The following MTA3 variants were observed in gnomAD, a reference collection of about 807,000 sequenced individuals.
The protein encoded by MTA3 is metastasis-associated protein MTA3.
A neutral mutation model predicts 83.5 loss-of-function variants in MTA3; 34 were observed. The observed-to-expected ratio is 0.41, with a 90% CI of 0.31 to 0.54. MTA3 has a LOEUF of 0.54. MTA3 is among the 20% of genes least tolerant of loss of function. The probability of loss-of-function intolerance (pLI) is 0.33; values close to 1 mark genes in which losing one functional copy is unlikely to be tolerated. For missense variants in MTA3, 761 were observed against 726.4 expected (o/e 1.05, Z -0.55); for synonymous variants, 303 against 252.7 (o/e 1.20, Z -1.89).
chr2:42,603,864 C>T (rs1036728286), intron 3 of MTA3, among the ~76,000 whole-genome samples: 1 of 152,088 alleles, frequency 6.6e-6, no homozygotes, highest in Admixed American at 6.6e-5. Context: ...CATTCTCCTG[C>T]CTCAGCCTCC....
rs113977755 is a variant in MTA3 at position 42,571,622 on chromosome 2, TAGA to T, written c.96+1121_96+1123del. ...AATTAATATTTTCCTCTTCCAGGTTTAGAAGGAGGAAGCTAGGGAACATAATAT... is the reference window on the plus strand; with the variant it reads ...AATTAATATTTTCCTCTTCCAGGTTTAGGAGGAAGCTAGGGAACATAATAT... On this transcript the variant is annotated intron_variant, in intron 2 of 16. Coordinates refer to ENST00000405094, the MANE Select transcript of MTA3 (RefSeq NM_001330442.2). Among the ~76,000 whole-genome samples the T allele has an allele frequency of 8.2e-3, 1,244 of 152,270 alleles. 22 individuals carry two copies. The highest frequency in any genetic ancestry group is 0.029 in the African/African-American group (1,189 of 41,558).
intron 15 of MTA3, 75 bp from the exon 16 acceptor site, chr2:42,722,814 C>A: frequency 6.7e-7 from 1 of 1,484,212 alleles, no homozygotes; most frequent in Non-Finnish European, 9.1e-7. Context: ...AAGATGTGTG[C>A]CTATTAGCCA....
At chr2:42,669,361 A>C (rs576421294) in intron 8 of MTA3, among the ~76,000 whole-genome samples, 2 of 152,322 alleles carry the variant, frequency 1.3e-5, no homozygotes, top group African/African-American at 4.8e-5. Context: ...CTGGGATTAC[A>C]AGCGTGAGCC....
At chr2:42,721,584 C>T (rs141968292) in intron 15 of MTA3, among the ~76,000 whole-genome samples, 1 of 152,146 alleles carries the variant, frequency 6.6e-6, no homozygotes, top group Admixed American at 6.5e-5. Flanking sequence ...CCACCTTGGC[C>T]TCCCAAAGTA....
At chr2:42,578,730 G>A (rs968925719) in intron 2 of MTA3, among the ~76,000 whole-genome samples, 3 of 152,106 alleles carry the variant, frequency 2.0e-5, no homozygotes, top group Admixed American at 6.6e-5. Context: ...CGTCAGTTGT[G>A]GCTTTAAAAA....
At chr2:42,549,106 G>A (rs1676946524) in intron 2 of MTA3, among the ~76,000 whole-genome samples, 1 of 137,908 alleles carries the variant, frequency 7.3e-6, no homozygotes, top group African/African-American at 2.7e-5. Flanking sequence ...CTGGGAGGCG[G>A]AGCTTGCAGT....
Position 42,662,518 on chromosome 2 carries a change from A to G in MTA3, c.702+2656A>G, listed in dbSNP as rs1043225638. Reference sequence around the variant, plus strand: ...TTGAATTTGTTTCTTCATGATTTGTAATGCCCCTTTATCATATTTTAGGTT... The same window carrying G: ...TTGAATTTGTTTCTTCATGATTTGTGATGCCCCTTTATCATATTTTAGGTT... On this transcript the variant is annotated intron_variant, in intron 8 of 16. Coordinates refer to ENST00000405094, the MANE Select transcript of MTA3 (RefSeq NM_001330442.2). Among the ~76,000 whole-genome samples the G allele has an allele frequency of 5.3e-5, 8 of 151,808 alleles. No homozygotes were observed. The South Asian group carries it at 1.5e-3, about 28-fold the overall frequency.
chr2:42,732,879 A>T (rs1286552468), intron 16 of MTA3, among the ~76,000 whole-genome samples: 2 of 152,056 alleles, frequency 1.3e-5, no homozygotes, highest in Non-Finnish European at 2.9e-5. Flanking sequence ...AACAAGAGTC[A>T]CCTTTGCTCC....
intron 6 of MTA3, among the ~76,000 whole-genome samples, chr2:42,650,449 G>T (rs960660746): frequency 4.6e-4 from 69 of 151,130 alleles, no homozygotes; most frequent in Non-Finnish European, 8.9e-4. Flanking sequence ...TGTTTTTTTG[G>T]TTTTTTTTGA....
intron 4 of MTA3, among the ~76,000 whole-genome samples, chr2:42,612,977 T>TTTTTTAATTAAA: frequency 6.6e-6 from 1 of 152,250 alleles, no homozygotes; most frequent in Non-Finnish European, 1.5e-5. Flanking sequence ...GACACAAGTA[T>TTTTTTAATTAAA]ATTTTTAATT....
At chr2:42,640,463 C>T (rs1248490471) in intron 5 of MTA3, among the ~76,000 whole-genome samples, 1 of 152,108 alleles carries the variant, frequency 6.6e-6, no homozygotes, top group Non-Finnish European at 1.5e-5. Context: ...TAATGAATGG[C>T]ATTATAGAGA....
At chr2:42,581,135 C>G (rs980778649) in intron 3 of MTA3, among the ~76,000 whole-genome samples, 1 of 152,070 alleles carries the variant, frequency 6.6e-6, no homozygotes, top group Non-Finnish European at 1.5e-5. Context: ...TTCATTATTT[C>G]AATTAATTGC....
chr2:42,725,363 T>A (rs1441057352), intron 16 of MTA3, among the ~76,000 whole-genome samples: 1 of 152,250 alleles, frequency 6.6e-6, no homozygotes, highest in Non-Finnish European at 1.5e-5. Flanking sequence ...GATTTCAGAA[T>A]CTTCTCGTTT....
chr2:42,636,682 A>T (rs571757086), intron 4 of MTA3, among the ~76,000 whole-genome samples: 123 of 135,002 alleles, frequency 9.1e-4, no homozygotes, highest in African/African-American at 3.2e-3. Context: ...GCTGGAGTGC[A>T]GTGGTGCGAT....
chr2:42,654,166 T>A (rs943825726), intron 6 of MTA3, among the ~76,000 whole-genome samples: 2 of 152,212 alleles, frequency 1.3e-5, no homozygotes, highest in Non-Finnish European at 2.9e-5. Flanking sequence ...GGGTTGGCAG[T>A]TGGCTCTCTG....
At chr2:42,679,085 C>G (rs1345924959) in intron 8 of MTA3, among the ~76,000 whole-genome samples, 2 of 152,094 alleles carry the variant, frequency 1.3e-5, no homozygotes, top group Admixed American at 6.6e-5. Flanking sequence ...GAGCAAATAC[C>G]TTGTATTATT....
At chr2:42,511,353 C>CA (rs368131308) in intron 2 of MTA3, among the ~76,000 whole-genome samples, 9,347 of 128,846 alleles carry the variant, frequency 0.073, 335 homozygotes, top group African/African-American at 0.11. Flanking sequence ...CTTTCTACGT[C>CA]AAAAAAAAAA....
At chr2:42,710,643 G>A (rs1666529172) in intron 14 of MTA3, among the ~76,000 whole-genome samples, 1 of 151,610 alleles carries the variant, frequency 6.6e-6, no homozygotes, top group African/African-American at 2.4e-5. Flanking sequence ...ATATTTGAGA[G>A]TTTAGGCTTA....
chr2:42,711,783 A>AGAGTGTGTGTGTGTGT (rs1553393294), intron 14 of MTA3, among the ~76,000 whole-genome samples: 6 of 147,744 alleles, frequency 4.1e-5, no homozygotes, highest in African/African-American at 1.5e-4. Flanking sequence ...AGAGAGAGAG[A>AGAGTGTGTGTGTGTGT]GTGTGTGTGT....
Sources: allele counts gnomAD v4.1 joint callset (sites outside exome capture counted in the v4.1 genomes callset), GRCh38; gene constraint gnomAD v4.1.1; transcripts MANE v1.5; gene names NCBI Gene and HGNC (gene_info 2026-07-23, HGNC 2026-07-21).